Variants in OPCML observed in about 807,000 individuals in gnomAD.
The protein encoded by OPCML is opioid binding protein/cell adhesion molecule like.
Under a neutral mutation model 37.8 loss-of-function variants are expected in OPCML, and 13 were observed. The observed-to-expected ratio is 0.34, with a 90% CI of 0.22 to 0.55. OPCML has a LOEUF of 0.55. OPCML is among the 20% of genes least tolerant of loss of function. The pLI is 0.91. For missense variants in OPCML, 341 were observed against 435.6 expected (o/e 0.78, Z 1.93); for synonymous variants, 176 against 168.8 (o/e 1.04, Z -0.33).
chr11:133,084,063 T>C (rs1183250981), intron 1 of OPCML, among the ~76,000 whole-genome samples: 1 of 152,090 alleles, frequency 6.6e-6, no homozygotes, highest in African/African-American at 2.4e-5. Context: ...GAGACCTCTC[T>C]TGACATTTTT....
At chr11:132,618,242 A>T (rs190053490) in intron 3 of OPCML, among the ~76,000 whole-genome samples, 1 of 152,192 alleles carries the variant, frequency 6.6e-6, no homozygotes, top group Non-Finnish European at 1.5e-5. Context: ...GGAGGGAGCT[A>T]TTTATTTTTG....
rs1245444387 is a variant in OPCML at position 132,941,671 on chromosome 11, T to C, written c.146+1255A>G. 2.0e-5 allele frequency among the ~76,000 whole-genome samples: 3 copies of C among 152,238 alleles called. No individual in the cohort carries two copies. The East Asian group carries it at 5.8e-4, about 29-fold the overall frequency. ...TTCACATCTCCAGGAAGGGCCTCTC[T>C]ATTCTCCTTTTTTCTCCATTTGCTT... On this transcript the variant is annotated intron_variant, in intron 2 of 7. Transcript: ENST00000524381.
chr11:132,435,366 G>A (rs191398807), intron 7 of OPCML: 9 of 400,450 alleles, frequency 2.2e-5, no homozygotes, highest in Middle Eastern at 1.2e-3. Flanking sequence ...CCTACTCATC[G>A]GATGCTTCCC....
In OPCML at chr11:132,581,253, G is replaced by C. The variant is rs114815227; in HGVS notation, c.380-52067C>G. 4.8e-3 allele frequency among the ~76,000 whole-genome samples: 726 copies of C among 152,232 alleles called. 4 individuals carry two copies. The highest frequency in any genetic ancestry group is 0.016 in the African/African-American group (677 of 41,554). On this transcript the variant is annotated intron_variant, in intron 3 of 7. Transcript: ENST00000524381. ...TATAGTCATTTAATGATTTAATTTT[G>C]TGTTTCCAGCTATATTTTAACTTCA... is the stretch of plus-strand genomic sequence containing the variant.
chr11:133,484,367 C>T (rs979946666), intron 1 of OPCML, among the ~76,000 whole-genome samples: 2 of 152,004 alleles, frequency 1.3e-5, no homozygotes, highest in Non-Finnish European at 2.9e-5. Flanking sequence ...TATTCTATAT[C>T]TAGGTTTCTA....
At chr11:132,769,907 A>G (rs1946581492) in intron 2 of OPCML, among the ~76,000 whole-genome samples, 1 of 152,158 alleles carries the variant, frequency 6.6e-6, no homozygotes, top group Non-Finnish European at 1.5e-5. Context: ...ACACAACAGC[A>G]TCTCTTCAAA....
At chr11:132,463,620 C>T (rs1206114525) in intron 4 of OPCML, among the ~76,000 whole-genome samples, 2 of 152,210 alleles carry the variant, frequency 1.3e-5, no homozygotes, top group Admixed American at 6.5e-5. Flanking sequence ...TTAGAACATG[C>T]TTTGCCACAG....
At chr11:133,244,025 C>G (rs978011681) in intron 1 of OPCML, among the ~76,000 whole-genome samples, 1 of 152,102 alleles carries the variant, frequency 6.6e-6, no homozygotes, top group Non-Finnish European at 1.5e-5. Context: ...CCTTTCAGGA[C>G]AGAGGGGCTC....
chr11:133,351,981 G>A (rs149722822), intron 1 of OPCML, among the ~76,000 whole-genome samples: 121 of 152,102 alleles, frequency 8.0e-4, no homozygotes, highest in African/African-American at 2.1e-3. Flanking sequence ...TTCATTTCCT[G>A]CTATTTTCAT....
intron 1 of OPCML, among the ~76,000 whole-genome samples, chr11:133,376,445 G>A (rs7116576): frequency 0.22 from 33,821 of 152,068 alleles, 5,355 homozygotes; most frequent in African/African-American, 0.45. Context: ...TTTGTGGAAG[G>A]AAAGATGCCC....
intron 3 of OPCML, among the ~76,000 whole-genome samples, chr11:132,548,104 T>C (rs1336162218): frequency 6.6e-6 from 1 of 152,160 alleles, no homozygotes; most frequent in Non-Finnish European, 1.5e-5. Flanking sequence ...GGGCTGTGTG[T>C]GCCTGTGGAG....
chr11:132,895,199 C>T (rs1237821028), intron 2 of OPCML, among the ~76,000 whole-genome samples: 2 of 152,154 alleles, frequency 1.3e-5, no homozygotes, highest in East Asian at 1.9e-4. Context: ...AAAATAGGTA[C>T]ATTTGGTACT....
chr11:133,318,888 T>G (rs1426085470), intron 1 of OPCML, among the ~76,000 whole-genome samples: 1 of 151,788 alleles, frequency 6.6e-6, no homozygotes, highest in African/African-American at 2.4e-5. Context: ...AATACAAAAA[T>G]TAGCCACGGG....
chr11:132,522,022 G>A (rs1302102110), intron 4 of OPCML, among the ~76,000 whole-genome samples: 1 of 152,166 alleles, frequency 6.6e-6, no homozygotes, highest in African/African-American at 2.4e-5. Flanking sequence ...CTGCTGGCCT[G>A]TTGTGCATAT....
intron 1 of OPCML, among the ~76,000 whole-genome samples, chr11:133,272,325 C>G (rs951595358): frequency 6.6e-6 from 1 of 151,472 alleles, no homozygotes; most frequent in African/African-American, 2.4e-5. Context: ...ATCTAACAGC[C>G]CAGAATATCA....
intron 1 of OPCML, among the ~76,000 whole-genome samples, chr11:132,948,114 G>A (rs1356870647): frequency 6.6e-6 from 1 of 152,212 alleles, no homozygotes; most frequent in Non-Finnish European, 1.5e-5. Flanking sequence ...TATAGGGTTT[G>A]AGGTTTCTTG....
At chr11:133,293,068 C>A (rs748231756) in intron 1 of OPCML, among the ~76,000 whole-genome samples, 3 of 152,150 alleles carry the variant, frequency 2.0e-5, no homozygotes, top group African/African-American at 7.2e-5. Context: ...CTGAGTCACT[C>A]AGAGCTAGGC....
intron 4 of OPCML, among the ~76,000 whole-genome samples, chr11:132,499,766 G>T (rs1309098542): frequency 6.6e-6 from 1 of 152,208 alleles, no homozygotes; most frequent in Non-Finnish European, 1.5e-5. Context: ...TTACTTTCAA[G>T]GACATGCTGG....
At chr11:132,570,804 T>TATATAGAGAGAGAGAGAG in intron 3 of OPCML, among the ~76,000 whole-genome samples, 1 of 90,760 alleles carries the variant, frequency 1.1e-5, no homozygotes, top group African/African-American at 5.0e-5. Flanking sequence ...TATATATATT[T>TATATAGAGAGAGAGAGAG]AGAGAGAGAG....
Sources: allele counts gnomAD v4.1 joint callset (sites outside exome capture counted in the v4.1 genomes callset), GRCh38; gene constraint gnomAD v4.1.1; transcripts MANE v1.5; gene names NCBI Gene and HGNC (gene_info 2026-07-23, HGNC 2026-07-21).